Variants in TUSC3 observed in about 807,000 individuals in gnomAD.
TUSC3 encodes the protein tumor suppressor candidate 3.
Under a neutral mutation model 44.8 loss-of-function variants are expected in TUSC3, and 45 were observed. The observed-to-expected ratio is 1.00, with a 90% CI of 0.79 to 1.29. The LOEUF (loss-of-function observed/expected upper bound fraction) is 1.29. Among genes scored for constraint, TUSC3 ranks in the 50% most tolerant of loss-of-function variants. TUSC3 has a pLI of 0.00. For synonymous variants in TUSC3, 212 were observed against 152.9 expected, an observed-to-expected ratio of 1.39 and a Z score of -2.85; for missense variants, 519 against 437.9, an observed-to-expected ratio of 1.19 and a Z score of -1.65.
intron 1 of TUSC3, among the ~76,000 whole-genome samples, chr8:15,555,169 G>A (rs912173314): frequency 8.2e-6 from 1 of 121,348 alleles, no homozygotes; most frequent in African/African-American, 2.9e-5. Flanking sequence ...TTTTGGGGGG[G>A]ACGAGATCTT....
In TUSC3 at chr8:15,764,313, A is replaced by G. The variant is rs943922008; in HGVS notation, c.*157A>G. Reference sequence around the variant, plus strand: ...TGAATTCATTCATTTCATTGTGATCAGCTAGCTTATTCTTGTGTACTTTTT... The same window carrying G: ...TGAATTCATTCATTTCATTGTGATCGGCTAGCTTATTCTTGTGTACTTTTT... On this transcript the variant is annotated 3_prime_UTR_variant, in exon 11 of 11. Transcript: ENST00000503731. 2 of 1,350,728 alleles carry G rather than the reference A, an allele frequency of 1.5e-6. No homozygotes were observed. Among genetic ancestry groups the G allele is most frequent in the Admixed American group, 1.8e-5 (1 of 54,408 alleles). The allele number at this position is 1,350,728 out of a possible 1,614,324, so 83.7% of individuals were successfully genotyped here. A position where few individuals can be genotyped will look rare whatever the true frequency, so the allele number is the denominator to read the frequency against.
At chr8:15,775,689 T>C in the TUSC3 span, among the ~76,000 whole-genome samples, 4,350 of 62,346 alleles carry the variant, frequency 0.07, 189 homozygotes, top group African/African-American at 0.16. Flanking sequence ...AATACATATG[T>C]ACACACACAC....
chr8:15,539,819 G>C (rs1044439110), upstream of TUSC3, among the ~76,000 whole-genome samples: 1 of 152,116 alleles, frequency 6.6e-6, no homozygotes, highest in Non-Finnish European at 1.5e-5. Context: ...CAGTGGGGCT[G>C]GAAGGAACAG....
At chr8:15,799,138 A>T in the TUSC3 span, among the ~76,000 whole-genome samples, 34 of 152,160 alleles carry the variant, frequency 2.2e-4, no homozygotes, top group African/African-American at 7.9e-4. Flanking sequence ...ACAAAAACCA[A>T]CCACTCTAAG....
intron 2 of TUSC3, among the ~76,000 whole-genome samples, chr8:15,484,982 T>C (rs568448120): frequency 1.3e-5 from 2 of 152,200 alleles, no homozygotes; most frequent in Non-Finnish European, 2.9e-5. Context: ...GTATGGCGTA[T>C]GGTATGGTGT....
At position 15,622,233 on chromosome 8, in the gene TUSC3, T is replaced by A. The variant is rs549900051; in HGVS notation, c.139-847T>A. ...TAGGAATACAGTGTTGTAGAGTTGT[T>A]AACTTCTCAGGCTTGTTCAAGTAAG... On this transcript the variant is annotated intron_variant, in intron 1 of 10. Transcript: ENST00000503731. Among the ~76,000 whole-genome samples, 4 of 152,306 alleles carry A rather than the reference T, an allele frequency of 2.6e-5. 1 individual carries two copies. The highest frequency in any genetic ancestry group is 3.4e-3 in the Middle Eastern group (1 of 294).
intron 7 of TUSC3, 119 bp from the exon 8 acceptor site, chr8:15,743,419 T>A (rs1431713434): frequency 1.3e-5 from 13 of 972,118 alleles, no homozygotes; most frequent in Non-Finnish European, 1.8e-5. Context: ...GGTAATTGAT[T>A]GTATTTACCT....
chr8:15,801,015 C>T, the TUSC3 span, among the ~76,000 whole-genome samples: 1 of 152,232 alleles, frequency 6.6e-6, no homozygotes, highest in Admixed American at 6.5e-5. Context: ...CGATCCAGAT[C>T]CCCAGAGAGG....
the TUSC3 span, among the ~76,000 whole-genome samples, chr8:15,796,069 G>C: frequency 3.9e-5 from 6 of 152,244 alleles, no homozygotes; most frequent in African/African-American, 1.4e-4. Context: ...TGTTTGTTCA[G>C]CTTCTGGCAG....
chr8:15,629,294 G>A (rs573678821), intron 2 of TUSC3, among the ~76,000 whole-genome samples: 39 of 152,162 alleles, frequency 2.6e-4, no homozygotes, highest in South Asian at 8.3e-4. Flanking sequence ...TCAAAGGGGC[G>A]TCTGTTAAGT....
the TUSC3 span, among the ~76,000 whole-genome samples, chr8:15,848,713 A>T: frequency 6.6e-6 from 1 of 152,172 alleles, no homozygotes; most frequent in Non-Finnish European, 1.5e-5. Context: ...CAGCAACCCA[A>T]CAGTGAGACT....
chr8:15,740,477 C>T (rs1811143783), intron 7 of TUSC3, among the ~76,000 whole-genome samples: 1 of 150,156 alleles, frequency 6.7e-6, no homozygotes, highest in South Asian at 2.1e-4. Flanking sequence ...TGTTGTCCTC[C>T]AAGTTAAGAA....
At chr8:15,503,831 A>T (rs1801007012) in intron 2 of TUSC3, among the ~76,000 whole-genome samples, 1 of 151,952 alleles carries the variant, frequency 6.6e-6, no homozygotes, top group Non-Finnish European at 1.5e-5. Flanking sequence ...GGCAAAACCC[A>T]TCTCTACTAA....
intron 1 of TUSC3, among the ~76,000 whole-genome samples, chr8:15,431,275 A>T (rs552925707): frequency 2.0e-5 from 3 of 151,190 alleles, no homozygotes; most frequent in Non-Finnish European, 4.4e-5. Flanking sequence ...TCTATAGATC[A>T]CTTTGATTAG....
At chr8:15,717,571 A>G (rs1409082706) in intron 6 of TUSC3, among the ~76,000 whole-genome samples, 1 of 152,088 alleles carries the variant, frequency 6.6e-6, no homozygotes, top group Non-Finnish European at 1.5e-5. Flanking sequence ...ATCCTGTTGC[A>G]GTATTACGTA....
chr8:15,601,634 T>C (rs1385639759), intron 1 of TUSC3, among the ~76,000 whole-genome samples: 1 of 151,770 alleles, frequency 6.6e-6, no homozygotes, highest in African/African-American at 2.4e-5. Context: ...TTATTACCTA[T>C]TTATAAAATC....
the TUSC3 span, among the ~76,000 whole-genome samples, chr8:15,850,676 A>G: frequency 6.6e-6 from 1 of 152,240 alleles, no homozygotes; most frequent in East Asian, 1.9e-4. Flanking sequence ...ATAAAATGAA[A>G]CAATTTAGAA....
At chr8:15,655,754 T>TA (rs1427008405) in intron 3 of TUSC3, among the ~76,000 whole-genome samples, 1 of 152,230 alleles carries the variant, frequency 6.6e-6, no homozygotes, top group African/African-American at 2.4e-5. Flanking sequence ...CTAATATATG[T>TA]AGCTGTTTAG....
chr8:15,759,494 A>G (rs928259016), intron 10 of TUSC3, among the ~76,000 whole-genome samples: 7 of 151,990 alleles, frequency 4.6e-5, no homozygotes, highest in African/African-American at 1.7e-4. Flanking sequence ...AATAAAAAAA[A>G]CAAAACAAAC....
Sources: allele counts gnomAD v4.1 joint callset (sites outside exome capture counted in the v4.1 genomes callset), GRCh38; gene constraint gnomAD v4.1.1; transcripts MANE v1.5; gene names NCBI Gene and HGNC (gene_info 2026-07-23, HGNC 2026-07-21).